The following CELF1 variants were observed in gnomAD, a reference collection of about 807,000 sequenced individuals.
CELF1 encodes the protein 50 kDa nuclear polyadenylated RNA-binding protein.
In CELF1, 10 loss-of-function variants were observed where a neutral mutation model predicts 61.8. The observed-to-expected ratio is 0.16, with a 90% CI of 0.10 to 0.27. The LOEUF (loss-of-function observed/expected upper bound fraction) is 0.27, where lower values mean the gene tolerates loss of function less well. CELF1 is among the 10% of genes least tolerant of loss of function. The pLI, the probability that CELF1 is intolerant of heterozygous loss-of-function variation, is 1.00. For missense variants in CELF1, 380 were observed against 639.1 expected, an observed-to-expected ratio of 0.59 and a Z score of 4.37; for synonymous variants, 236 against 225.1, an observed-to-expected ratio of 1.05 and a Z score of -0.43.
chr11:47,509,677 G>A (rs1237029731), intron 1 of CELF1, among the ~76,000 whole-genome samples: 2 of 152,114 alleles, frequency 1.3e-5, no homozygotes, highest in African/African-American at 4.8e-5. Flanking sequence ...GATCACTTAA[G>A]GCCAGGAGTT....
At chr11:47,555,607 A>G (rs182127320), upstream of CELF1, among the ~76,000 whole-genome samples, 50 of 152,334 alleles carry the variant, frequency 3.3e-4, no homozygotes, top group South Asian at 1.2e-3. Flanking sequence ...ACAAAATGCT[A>G]AACAGTCCAA....
At chr11:47,528,503 C>T (rs769298347) in intron 1 of CELF1, among the ~76,000 whole-genome samples, 13 of 152,056 alleles carry the variant, frequency 8.5e-5, no homozygotes, top group Non-Finnish European at 1.8e-4. Context: ...GTAATACAAG[C>T]ACTTTGGGAG....
In CELF1 at chr11:47,475,359, C is replaced by A; in HGVS notation, c.1250G>T (p.Gly417Val). Residue 417 changes from glycine to valine, a missense_variant, in exon 13 of 15, where the codon GGT (glycine) becomes GTT (valine). Gly to Val is a moderately radical substitution (Grantham distance 109). Coordinates refer to ENST00000687097, the MANE Select transcript of CELF1 (RefSeq NM_001376376.1). ...NQNLLTQQSI[G>V]AAGSQKEGPE... is the part of the protein sequence containing the mutation. ...ACCTTCCTTCTGGCTTCCAGCAGCACCAATACTCTGCTGTGTCAGAAGATT... is the reference window on the plus strand; with the variant it reads ...ACCTTCCTTCTGGCTTCCAGCAGCAACAATACTCTGCTGTGTCAGAAGATT... The A allele has an allele frequency of 6.2e-7, 1 of 1,613,874 alleles. No individual in the cohort carries two copies. The highest frequency in any genetic ancestry group is 8.5e-7 in the Non-Finnish European group (1 of 1,180,012).
rs1196531995 is a variant in CELF1 at position 47,470,314 on chromosome 11, T to C, written c.*1916A>G. On this transcript the variant is annotated 3_prime_UTR_variant, in exon 15 of 15. Transcript: ENST00000687097. ...TTTTTTTTTTGTTTTCTTTTTTCTT[T>C]TTTATTTTTATTTTTTGCATTTATT... 6.6e-6 allele frequency: 1 copy of C among 152,114 alleles called. No individual in the cohort carries two copies. The highest frequency in any genetic ancestry group is 1.5e-5 in the Non-Finnish European group (1 of 68,024). 9.4% of individuals were successfully genotyped at this position (152,114 alleles called of 1,614,324 possible). A position where few individuals can be genotyped will look rare whatever the true frequency, so the allele number is the denominator to read the frequency against.
chr11:47,529,462 A>T (rs987453687), intron 1 of CELF1, among the ~76,000 whole-genome samples: 1 of 152,138 alleles, frequency 6.6e-6, no homozygotes, highest in Non-Finnish European at 1.5e-5. Context: ...CGAGGCGAGA[A>T]GATCACATGA....
chr11:47,543,528 C>A (rs868188620), intron 1 of CELF1, among the ~76,000 whole-genome samples: 3 of 152,184 alleles, frequency 2.0e-5, no homozygotes, highest in Non-Finnish European at 1.5e-5. Flanking sequence ...CTATAGAATT[C>A]TATAAAGAAA....
chr11:47,483,182 T>C (rs1261576155), intron 8 of CELF1, among the ~76,000 whole-genome samples: 1 of 152,098 alleles, frequency 6.6e-6, no homozygotes, highest in Non-Finnish European at 1.5e-5. Flanking sequence ...GGGGGATCAC[T>C]TGAGCCTGGG....
chr11:47,563,088 C>T (rs924445003), intron 2 of CELF1, among the ~76,000 whole-genome samples: 4 of 152,150 alleles, frequency 2.6e-5, no homozygotes, highest in Non-Finnish European at 4.4e-5. Flanking sequence ...TCGTGGCACA[C>T]GTCTGTAGTC....
intron 1 of CELF1, among the ~76,000 whole-genome samples, chr11:47,517,879 C>G (rs2095645796): frequency 6.6e-6 from 1 of 152,084 alleles, no homozygotes; most frequent in Admixed American, 6.6e-5. Context: ...GTCTCGAACT[C>G]CTGACCTTAG....
exon 2 of CELF1, chr11:47,564,388 A>C (rs1485205507): frequency 3.3e-5 from 5 of 151,280 alleles, no homozygotes; most frequent in African/African-American, 1.2e-4. Context: ...AGGCAGGAGA[A>C]TTGCTTGAAC....
Position 47,471,498 on chromosome 11 carries a change from C to T in CELF1, c.*732G>A, listed in dbSNP as rs948294631. 6 of 152,192 alleles carry T rather than the reference C, an allele frequency of 3.9e-5. No homozygotes were observed. Among genetic ancestry groups the T allele is most frequent in the Non-Finnish European group, 7.3e-5 (5 of 68,050 alleles). 9.4% of individuals were successfully genotyped at this position (152,192 alleles called of 1,614,324 possible). A position where few individuals can be genotyped will look rare whatever the true frequency, so the allele number is the denominator to read the frequency against. ...ATACTGACTGCTGGCTGGGGGAGCT[C>T]GTAATGGGTGATGCCGCCCTGCTTT... On this transcript the variant is annotated 3_prime_UTR_variant, in exon 15 of 15. Transcript: ENST00000687097.
At chr11:47,545,744 T>C (rs1268698060) in intron 1 of CELF1, among the ~76,000 whole-genome samples, 2 of 152,006 alleles carry the variant, frequency 1.3e-5, no homozygotes, top group Non-Finnish European at 2.9e-5. Context: ...TTGCCCAGGC[T>C]GGTCTCAAGC....
Position 47,482,866 on chromosome 11 carries a change from G to A in CELF1, c.607-10C>T. ...TGGGTGATGAGCAACCCTGTGAAAAGACCATAACGAAAGGGTCAAATTCCT... is the reference window on the plus strand; with the variant it reads ...TGGGTGATGAGCAACCCTGTGAAAAAACCATAACGAAAGGGTCAAATTCCT... On this transcript the variant is annotated splice_polypyrimidine_tract_variant and intron_variant, in intron 8 of 14. Transcript: ENST00000687097. 1 of 1,607,892 alleles carries A rather than the reference G, an allele frequency of 6.2e-7. No individual in the cohort carries two copies. The highest frequency in any genetic ancestry group is 8.5e-7 in the Non-Finnish European group (1 of 1,176,524).
intron 1 of CELF1, chr11:47,524,577 T>C (rs1284458563): frequency 6.6e-6 from 1 of 152,070 alleles, no homozygotes; most frequent in African/African-American, 2.4e-5. Flanking sequence ...GACAGACAGA[T>C]GGATGCACGT....
intron 1 of CELF1, among the ~76,000 whole-genome samples, chr11:47,504,902 C>CAAAAAAAAAAAAAAAAAAA (rs374401044): frequency 2.8e-5 from 3 of 107,930 alleles, no homozygotes; most frequent in African/African-American, 1.1e-4. Context: ...ACTCTGTCAC[C>CAAAAAAAAAAAAAAAAAAA]AAAAAAAAAA....
intron 7 of CELF1, 79 bp from the exon 8 acceptor site, chr11:47,483,611 A>C: frequency 2.9e-6 from 3 of 1,047,392 alleles, no homozygotes; most frequent in South Asian, 1.3e-5. Context: ...CTATGTGCTG[A>C]CTATCATGCT....
chr11:47,565,419 C>A, exon 1 of CELF1: 1 of 360,916 alleles, frequency 2.8e-6, no homozygotes. Context: ...CCCAGGAAAC[C>A]TCGGTCCCTC....
chr11:47,511,953 C>T (rs1380210032), intron 1 of CELF1, among the ~76,000 whole-genome samples: 1 of 151,542 alleles, frequency 6.6e-6, no homozygotes, highest in Non-Finnish European at 1.5e-5. Context: ...GGTTCAAGTG[C>T]TTCTTGTGCC....
intron 1 of CELF1, chr11:47,524,735 G>A (rs752297991): frequency 1.3e-5 from 2 of 152,190 alleles, no homozygotes; most frequent in Admixed American, 1.3e-4. Context: ...AGCAGCTTCA[G>A]CAGAACAGAT....
Sources: gnomAD v4.1 joint callset for allele counts (sites outside exome capture counted in the v4.1 genomes callset) on GRCh38, gnomAD v4.1.1 for gene constraint, MANE v1.5 for transcripts, NCBI Gene and HGNC (gene_info 2026-07-23, HGNC 2026-07-21) for gene names.